The following TMEM176B variants were observed in gnomAD, a reference collection of about 807,000 sequenced individuals.
The protein encoded by TMEM176B is LR8-like protein.
In TMEM176B, 28 loss-of-function variants were observed where a neutral mutation model predicts 30.3. The ratio of observed to expected loss-of-function variants is 0.92; its 90% CI spans 0.68 to 1.27. The LOEUF is 1.27. Among genes scored for constraint, TMEM176B ranks in the 50% most tolerant of loss-of-function variants. The pLI is 0.00. For synonymous variants in TMEM176B, 123 were observed against 130.3 expected (o/e 0.94, Z 0.38); for missense variants, 349 against 327.4 (o/e 1.07, Z -0.51).
intron 1 of TMEM176B, among the ~76,000 whole-genome samples, chr7:150,797,992 T>A (rs950624595): frequency 6.6e-6 from 1 of 152,240 alleles, no homozygotes; most frequent in African/African-American, 2.4e-5. Context: ...AACTCTTTTA[T>A]CTTTTTCCTT....
At chr7:150,800,166 TC>T (rs1798716394) in intron 1 of TMEM176B, 131 bp downstream of exon 1, 1 of 152,510 alleles carries the variant, frequency 6.6e-6, no homozygotes, top group Non-Finnish European at 1.5e-5. Flanking sequence ...ACGTGAGTCC[TC>T]CTGGAAACCA....
rs577085488 is a variant in TMEM176B at position 150,796,588 on chromosome 7, G to T, written c.-5-14C>A. 3.7e-6 allele frequency: 6 copies of T among 1,613,034 alleles called. No homozygotes were observed. In the Admixed American group the frequency reaches 8.3e-5, roughly 22 times the overall value. ...GCGTCATCCTGCCTGCCAGGGAGAA[G>T]ACATATAGCAGTGAGGTCTGGGAAC... On this transcript the variant is annotated splice_polypyrimidine_tract_variant and intron_variant, in intron 1 of 6. Transcript: ENST00000326442.
intron 5 of TMEM176B, among the ~76,000 whole-genome samples, chr7:150,792,866 C>T (rs962657648): frequency 6.6e-6 from 1 of 152,218 alleles, no homozygotes; most frequent in Admixed American, 6.5e-5. Context: ...ACTATCTCCT[C>T]TCTGAAATGT....
At chr7:150,792,985 A>C in intron 5 of TMEM176B, 103 bp downstream of exon 5, 1 of 1,082,368 alleles carries the variant, frequency 9.2e-7, no homozygotes, top group South Asian at 1.4e-5. Context: ...CCCAGCATGA[A>C]GTCCAAGCTC....
intron 2 of TMEM176B, among the ~76,000 whole-genome samples, chr7:150,794,782 A>T (rs1010627164): frequency 6.6e-6 from 1 of 151,872 alleles, no homozygotes; most frequent in African/African-American, 2.4e-5. Flanking sequence ...GTCATACCCC[A>T]ATAAGCCGTT....
intron 2 of TMEM176B, among the ~76,000 whole-genome samples, chr7:150,794,665 T>C (rs992072305): frequency 6.7e-6 from 1 of 149,256 alleles, no homozygotes; most frequent in Non-Finnish European, 1.5e-5. Context: ...ACTCCTGCAG[T>C]GGGCAACCTT....
chr7:150,798,090 A>G (rs908385279), intron 1 of TMEM176B, among the ~76,000 whole-genome samples: 1 of 152,232 alleles, frequency 6.6e-6, no homozygotes, highest in Non-Finnish European at 1.5e-5. Flanking sequence ...AGTTTTGACA[A>G]ATTTACACAT....
In TMEM176B at chr7:150,796,470, T is replaced by C. The variant is rs1223009860; in HGVS notation, c.100A>G (p.Thr34Ala). The C allele has an allele frequency of 6.2e-7, 1 of 1,614,184 alleles. No homozygotes were observed. Among genetic ancestry groups the C allele is most frequent in the African/African-American group, 1.3e-5 (1 of 75,042 alleles). ...NVHIHQESAL[T>A]QLLKAGGSLK... is the part of the protein sequence containing the mutation. ...GAACCTCCAGCTTTCAGCAGTTGTG[T>C]CAAAGCTGACTCCTGGTGGATGTGG... The change falls in exon 2 of 7, where the codon ACA becomes GCA. Residue 34 changes from threonine to alanine, a missense_variant. By Grantham distance (58) the Thr-to-Ala change is moderately conservative (BLOSUM62 0). Coordinates refer to ENST00000326442, the MANE Select transcript of TMEM176B (RefSeq NM_001101312.2).
At chr7:150,792,923 A>G (rs546102578) in intron 5 of TMEM176B, among the ~76,000 whole-genome samples, 165 bp downstream of exon 5, 2 of 152,270 alleles carry the variant, frequency 1.3e-5, no homozygotes, top group African/African-American at 2.4e-5. Context: ...TCTTCGTGTC[A>G]TGAGGTCTGA....
rs149307425 is a variant in TMEM176B at position 150,793,175 on chromosome 7, G to C, written c.513C>G (p.Phe171Leu). 978 of 1,614,096 alleles carry C rather than the reference G, an allele frequency of 6.1e-4. 1 individual carries two copies. Among genetic ancestry groups the C allele is most frequent in the Admixed American group, 1.1e-3 (64 of 60,004 alleles). The change falls in exon 5 of 7, where the codon TTC becomes TTG. Residue 171 changes from phenylalanine to leucine, a missense_variant. Physicochemically the swap from Phe to Leu is conservative, Grantham distance 22. Coordinates refer to ENST00000326442, the MANE Select transcript of TMEM176B (RefSeq NM_001101312.2). ...GCATCCATCTGTACCCAGTGGTAGG[G>C]AAGACAGGGTCTGAGCGATCACACA... The part of the protein sequence containing the change: ...DTVCDRSDPV[F>L]PTTGYRWMRR...
chr7:150,796,964 AAAACAAAC>A (rs540276440), intron 1 of TMEM176B, among the ~76,000 whole-genome samples: 7 of 152,150 alleles, frequency 4.6e-5, no homozygotes, highest in African/African-American at 1.4e-4. Context: ...AAAAAAAACA[AAAACAAAC>A]AAACAAACAA....
rs1306289615 is a variant in TMEM176B at position 150,793,287 on chromosome 7, G to A, written c.401C>T (p.Ala134Val). 1 of 1,614,176 alleles carries A rather than the reference G, an allele frequency of 6.2e-7. No homozygotes were observed. Among genetic ancestry groups the A allele is most frequent in the Non-Finnish European group, 8.5e-7 (1 of 1,180,032 alleles). The part of the protein sequence containing the change: ...AGYISSLLTL[A>V]GFATAMAAVV... Reference sequence around the variant, plus strand: ...AGCAGCCATAGCTGTAGCAAAGCCTGCCAGGGTGAGCAGGCTGGATATATA... The same window carrying A: ...AGCAGCCATAGCTGTAGCAAAGCCTACCAGGGTGAGCAGGCTGGATATATA... Residue 134 changes from alanine (A) to valine (V), a missense_variant, in exon 5 of 7, where the codon GCA becomes GTA. Ala to Val is a moderately conservative substitution (Grantham distance 64). Coordinates refer to ENST00000326442, the MANE Select transcript of TMEM176B (RefSeq NM_001101312.2).
At chr7:150,792,573 C>A (rs1393032026) in intron 5 of TMEM176B, among the ~76,000 whole-genome samples, 1 of 152,152 alleles carries the variant, frequency 6.6e-6, no homozygotes, top group Non-Finnish European at 1.5e-5. Context: ...AGTGGAGAAG[C>A]CATTGCCGGC....
At chr7:150,791,860 G>C (rs1416735453) in intron 6 of TMEM176B, among the ~76,000 whole-genome samples, 196 bp downstream of exon 6, 2 of 151,988 alleles carry the variant, frequency 1.3e-5, no homozygotes, top group East Asian at 1.9e-4. Context: ...GAGGCACAGG[G>C]CGGCGACAGT....
chr7:150,795,602 C>T (rs1798493433), intron 2 of TMEM176B, among the ~76,000 whole-genome samples: 2 of 152,188 alleles, frequency 1.3e-5, no homozygotes, highest in African/African-American at 4.8e-5. Context: ...AAGTGCTGAA[C>T]ACATTGCCTT....
upstream of TMEM176B, chr7:150,800,880 C>A: frequency 2.0e-6 from 2 of 984,398 alleles, no homozygotes; most frequent in African/African-American, 1.7e-5. Flanking sequence ...CCGCACGCAC[C>A]CCGAGCTGCC....
chr7:150,801,345 T>C (rs2116729919), upstream of TMEM176B: 1 of 488,470 alleles, frequency 2.0e-6, no homozygotes, highest in Non-Finnish European at 3.4e-6. Context: ...GTCGCCGCAG[T>C]TCCAGCATGG....
At chr7:150,794,443 A>G (rs372604326) in intron 2 of TMEM176B, among the ~76,000 whole-genome samples, 2 of 151,604 alleles carry the variant, frequency 1.3e-5, no homozygotes, top group South Asian at 2.1e-4. Flanking sequence ...TTCAGATCCA[A>G]ACACACACTC....
intron 5 of TMEM176B, among the ~76,000 whole-genome samples, chr7:150,792,491 T>C (rs991666520): frequency 1.3e-5 from 2 of 152,160 alleles, no homozygotes; most frequent in African/African-American, 4.8e-5. Flanking sequence ...CTACTTTCTG[T>C]CTCCTGAAAT....
Sources: gnomAD v4.1 joint callset for allele counts (sites outside exome capture counted in the v4.1 genomes callset) on GRCh38, gnomAD v4.1.1 for gene constraint, MANE v1.5 for transcripts, NCBI Gene and HGNC (gene_info 2026-07-23, HGNC 2026-07-21) for gene names.